Variants in WAC observed in about 807,000 individuals in gnomAD.
WAC encodes the protein WW domain-containing adapter protein with coiled-coil.
In WAC, 11 loss-of-function variants were observed where a neutral mutation model predicts 79.6. The observed-to-expected ratio is 0.14, with a 90% CI of 0.09 to 0.23. The LOEUF is 0.23. WAC is among the 10% of genes least tolerant of loss of function. The pLI is 1.00. For missense variants in WAC, 728 were observed against 773.5 expected (o/e 0.94, Z 0.70); for synonymous variants, 304 against 276.9 (o/e 1.10, Z -0.97).
chr10:28,573,612 T>C (rs1178289335), intron 3 of WAC, among the ~76,000 whole-genome samples: 1 of 152,164 alleles, frequency 6.6e-6, no homozygotes, highest in African/African-American at 2.4e-5. Flanking sequence ...CCCATGGGAT[T>C]AGGTGTTGAG....
chr10:28,533,911 AG>A (rs1175098655), intron 1 of WAC, 86 bp from the exon 2 acceptor site: 1 of 1,484,780 alleles, frequency 6.7e-7, no homozygotes, highest in Non-Finnish European at 9.2e-7. Flanking sequence ...TCCCGCGGGG[AG>A]GGGCGGCGGG....
intron 7 of WAC, among the ~76,000 whole-genome samples, chr10:28,600,525 T>G (rs887084076): frequency 6.6e-6 from 1 of 152,174 alleles, no homozygotes; most frequent in Non-Finnish European, 1.5e-5. Flanking sequence ...GCCATAGTTA[T>G]TCAAATATTT....
At chr10:28,533,892 CG>C (rs1375802644) in intron 1 of WAC, 105 bp from the exon 2 acceptor site, 2 of 1,389,264 alleles carry the variant, frequency 1.4e-6, no homozygotes, top group Admixed American at 3.8e-5. Flanking sequence ...CTGGGGCGCT[CG>C]GTAGGTCTCC....
chr10:28,538,581 C>CAAAAAAAAA (rs34777121), intron 3 of WAC, among the ~76,000 whole-genome samples: 1 of 98,290 alleles, frequency 1.0e-5, no homozygotes, highest in Non-Finnish European at 2.0e-5. Context: ...GACCCTGTCT[C>CAAAAAAAAA]AAAAAAAAAA....
intron 6 of WAC, among the ~76,000 whole-genome samples, chr10:28,594,579 T>C (rs115734375): frequency 1.4e-3 from 210 of 152,354 alleles, no homozygotes; most frequent in African/African-American, 4.9e-3. Context: ...TTGGGTGGTA[T>C]TCCGGTACCT....
chr10:28,537,656 T>C (rs1214819772), intron 3 of WAC: 1 of 152,206 alleles, frequency 6.6e-6, no homozygotes, highest in Non-Finnish European at 1.5e-5. Context: ...GTGCCAACAT[T>C]TGTGTGATAC....
chr10:28,595,617 T>C, intron 6 of WAC, 116 bp from the exon 7 acceptor site: 1 of 1,014,276 alleles, frequency 9.9e-7, no homozygotes, highest in Non-Finnish European at 1.4e-6. Context: ...TAAAAGAATA[T>C]GTAAGTACAA....
intron 3 of WAC, chr10:28,535,970 C>G: frequency 5.2e-6 from 2 of 385,592 alleles, no homozygotes; most frequent in African/African-American, 2.1e-5. Flanking sequence ...AGGCCAGGCG[C>G]GGTGGCTCAC....
chr10:28,603,841 G>GGA (rs1189005487), intron 7 of WAC, among the ~76,000 whole-genome samples: 1 of 150,294 alleles, frequency 6.7e-6, no homozygotes, highest in Non-Finnish European at 1.5e-5. Context: ...GGCTGAGGCA[G>GGA]GAGAATGGCG....
intron 3 of WAC, among the ~76,000 whole-genome samples, chr10:28,581,715 C>G (rs1839546890): frequency 6.6e-6 from 1 of 151,986 alleles, no homozygotes; most frequent in Non-Finnish European, 1.5e-5. Context: ...CACACACCAC[C>G]ACGTCCAGCT....
At chr10:28,554,837 A>T (rs1175537523) in intron 3 of WAC, among the ~76,000 whole-genome samples, 1 of 152,066 alleles carries the variant, frequency 6.6e-6, no homozygotes, top group Non-Finnish European at 1.5e-5. Flanking sequence ...TGGGTACCTC[A>T]CACATGCTTT....
At chr10:28,562,343 A>G (rs964307282) in intron 3 of WAC, among the ~76,000 whole-genome samples, 1 of 152,310 alleles carries the variant, frequency 6.6e-6, no homozygotes, top group South Asian at 2.1e-4. Context: ...GGCATCAGCC[A>G]CCAGGCCCAG....
intron 8 of WAC, among the ~76,000 whole-genome samples, chr10:28,608,859 G>A (rs1311454867): frequency 6.6e-6 from 1 of 152,102 alleles, no homozygotes; most frequent in Non-Finnish European, 1.5e-5. Flanking sequence ...TAGGAATTCA[G>A]GTAGCTACTT....
At chr10:28,554,769 C>T (rs888684725) in intron 3 of WAC, among the ~76,000 whole-genome samples, 1 of 152,156 alleles carries the variant, frequency 6.6e-6, no homozygotes, top group African/African-American at 2.4e-5. Context: ...ACTTTTCCAC[C>T]CCTCCGCTTT....
chr10:28,537,449 C>A (rs920524006), intron 3 of WAC: 2 of 152,152 alleles, frequency 1.3e-5, no homozygotes, highest in African/African-American at 4.8e-5. Flanking sequence ...GGATATGGCA[C>A]CTCATCTTCT....
At chr10:28,543,646 A>C (rs949648731) in intron 3 of WAC, among the ~76,000 whole-genome samples, 3 of 152,242 alleles carry the variant, frequency 2.0e-5, no homozygotes, top group Admixed American at 6.5e-5. Context: ...ATGCAAAGCA[A>C]GATTGGAGTT....
intron 3 of WAC, among the ~76,000 whole-genome samples, chr10:28,560,609 A>T (rs1838248778): frequency 6.6e-6 from 1 of 152,194 alleles, no homozygotes; most frequent in Non-Finnish European, 1.5e-5. Context: ...CTGCATGTAC[A>T]TGGAATTTAA....
rs758977451 is a variant in WAC, at chr10:28,595,963, G to T, written c.841G>T (p.Asp281Tyr). 6.2e-7 allele frequency: 1 copy of T among 1,614,106 alleles called. No homozygotes were observed. The highest frequency in any genetic ancestry group is 1.1e-5 in the South Asian group (1 of 91,086). ...TGATCACCAGCCAAAGAAATCATTT[G>T]ATGCTAATGGAGCATCTACTTTATC... ...QSDHQPKKSF[D>Y]ANGASTLSKL... Residue 281 changes from aspartate (D) to tyrosine (Y), a missense_variant, in exon 7 of 14, where the codon GAT becomes TAT. Coordinates refer to ENST00000354911, the MANE Select transcript of WAC (RefSeq NM_016628.5).
At chr10:28,612,143 C>G (rs1386915063) in intron 10 of WAC, among the ~76,000 whole-genome samples, 2 of 152,050 alleles carry the variant, frequency 1.3e-5, no homozygotes, top group African/African-American at 4.8e-5. Context: ...TGAGTCTGTT[C>G]CCTAATGGTT....
Sources: allele counts gnomAD v4.1 joint callset (sites outside exome capture counted in the v4.1 genomes callset), GRCh38; gene constraint gnomAD v4.1.1; transcripts MANE v1.5; gene names NCBI Gene and HGNC (gene_info 2026-07-23, HGNC 2026-07-21).